The following KCNH7 variants were observed in gnomAD, a reference collection of about 807,000 sequenced individuals.
KCNH7 encodes potassium voltage-gated channel subfamily H member 7.
KCNH7 carries 49 observed loss-of-function variants against 120.8 expected under a neutral mutation model. The ratio of observed to expected loss-of-function variants is 0.41; its 90% CI spans 0.32 to 0.51. The LOEUF (loss-of-function observed/expected upper bound fraction) is 0.51, where lower values mean the gene tolerates loss of function less well. Among genes scored for constraint, KCNH7 ranks in the 20% least tolerant of loss-of-function variants. The pLI is 0.38. For synonymous variants in KCNH7, 547 were observed against 516.1 expected, an observed-to-expected ratio of 1.06 and a Z score of -0.81; for missense variants, 1,097 against 1,446.6, an observed-to-expected ratio of 0.76 and a Z score of 3.92.
At chr2:162,377,661 T>C (rs1686255484) in intron 14 of KCNH7, among the ~76,000 whole-genome samples, 1 of 152,154 alleles carries the variant, frequency 6.6e-6, no homozygotes. Flanking sequence ...GTCTTTGTGA[T>C]AGTTTTTGTT....
chr2:162,705,743 A>T (rs867125011), intron 2 of KCNH7, among the ~76,000 whole-genome samples: 3 of 152,224 alleles, frequency 2.0e-5, no homozygotes, highest in Middle Eastern at 3.4e-3. Context: ...TACCCATCTA[A>T]ATCCTTGCTG....
chr2:162,484,749 A>C (rs982603025), intron 6 of KCNH7, among the ~76,000 whole-genome samples: 2 of 152,236 alleles, frequency 1.3e-5, no homozygotes, highest in East Asian at 3.9e-4. Flanking sequence ...TAATGAGTGA[A>C]TTCTTGCTCT....
chr2:162,821,290 C>T (rs13391982), intron 2 of KCNH7, among the ~76,000 whole-genome samples: 81,977 of 152,044 alleles, frequency 0.54, 22,605 homozygotes, highest in South Asian at 0.72. Flanking sequence ...GTTCACAAAA[C>T]GGTTAAGGTT....
intron 2 of KCNH7, among the ~76,000 whole-genome samples, chr2:162,775,893 C>T (rs995995286): frequency 1.3e-5 from 2 of 152,140 alleles, no homozygotes; most frequent in Non-Finnish European, 1.5e-5. Flanking sequence ...TAGGCACATG[C>T]CTTGGCTCTG....
chr2:162,481,627 AG>A (rs145311723), intron 6 of KCNH7, among the ~76,000 whole-genome samples: 2,193 of 152,242 alleles, frequency 0.014, 61 homozygotes, highest in African/African-American at 0.049. Flanking sequence ...AAGGAGGAGA[AG>A]AATTAACTTT....
chr2:162,673,622 G>C (rs1254006496), intron 2 of KCNH7, among the ~76,000 whole-genome samples: 1 of 151,960 alleles, frequency 6.6e-6, no homozygotes, highest in Non-Finnish European at 1.5e-5. Context: ...TCCCAGTTAG[G>C]GGTTGCTCAT....
intron 9 of KCNH7, among the ~76,000 whole-genome samples, chr2:162,420,070 A>G (rs1054368185): frequency 6.6e-6 from 1 of 152,186 alleles, no homozygotes; most frequent in South Asian, 2.1e-4. Flanking sequence ...CTAATATGAG[A>G]TCATACTCAA....
chr2:162,452,368 A>G (rs748525238), intron 6 of KCNH7, among the ~76,000 whole-genome samples: 2 of 152,138 alleles, frequency 1.3e-5, no homozygotes, highest in Non-Finnish European at 1.5e-5. Context: ...GTTTACAAAC[A>G]TCATAGAGGC....
intron 2 of KCNH7, among the ~76,000 whole-genome samples, chr2:162,707,636 G>T (rs1686761656): frequency 6.6e-6 from 1 of 152,026 alleles, no homozygotes; most frequent in Admixed American, 6.6e-5. Context: ...TAAGGAAGAT[G>T]AAATTCAAAT....
At chr2:162,738,807 T>C (rs1688011093) in intron 2 of KCNH7, among the ~76,000 whole-genome samples, 1 of 152,194 alleles carries the variant, frequency 6.6e-6, no homozygotes, top group Non-Finnish European at 1.5e-5. Context: ...TACATTGTAA[T>C]TGGAATCTCT....
Position 162,423,477 on chromosome 2 carries a change from C to T in KCNH7, c.2013G>A (p.Ser671=). ...TCTGCATGTGGTACCTGGCAGTTCC[C>T]GAGTATAGTCTTTGGATAATTGCAG... is the stretch of plus-strand genomic sequence containing the variant. The part of the protein sequence containing the change: ...NVSAIIQRLY[S]GTARYHMQML... The change falls in exon 9 of 16, where the codon TCG becomes TCA. Residue 671 remains serine (S), a synonymous_variant. Transcript: ENST00000332142. The T allele has an allele frequency of 1.9e-6, 3 of 1,613,980 alleles. No individual in the cohort carries two copies. The highest frequency in any genetic ancestry group is 2.5e-6 in the Non-Finnish European group (3 of 1,179,902).
chr2:162,791,739 G>T (rs922252583), intron 2 of KCNH7, among the ~76,000 whole-genome samples: 4 of 152,060 alleles, frequency 2.6e-5, no homozygotes, highest in African/African-American at 9.7e-5. Context: ...GGGATAGTTT[G>T]AATTCTTCTC....
Position 162,806,849 on chromosome 2 carries a change from T to TA in KCNH7, c.307+29687dup, listed in dbSNP as rs200060358. ...TATTAGGTCAAATGGAATTTTTTTT[T>TA]AAAAAAAGATAATTTGTAACTAGAT... On this transcript the variant is annotated intron_variant, in intron 2 of 15. Transcript: ENST00000332142. 1.3e-3 allele frequency among the ~76,000 whole-genome samples: 198 copies of TA among 151,918 alleles called. 4 individuals are homozygous for TA. In the East Asian group the frequency reaches 0.028, roughly 22 times the overall value.
chr2:162,744,708 G>C (rs1361433462), intron 2 of KCNH7, among the ~76,000 whole-genome samples: 4 of 151,854 alleles, frequency 2.6e-5, no homozygotes, highest in Non-Finnish European at 5.9e-5. Flanking sequence ...GAGTAGCTGG[G>C]ACTACAAGTG....
At chr2:162,722,670 A>G (rs1687358299) in intron 2 of KCNH7, among the ~76,000 whole-genome samples, 1 of 151,864 alleles carries the variant, frequency 6.6e-6, no homozygotes. Context: ...TTCAGTTATT[A>G]TTTTTTTGAA....
chr2:162,459,443 C>T (rs553391129), intron 6 of KCNH7, among the ~76,000 whole-genome samples: 6 of 152,254 alleles, frequency 3.9e-5, no homozygotes, highest in East Asian at 1.9e-4. Context: ...TCTGCCTTGT[C>T]GAGAACTACA....
intron 2 of KCNH7, among the ~76,000 whole-genome samples, chr2:162,724,740 A>C (rs190754425): frequency 2.6e-4 from 40 of 152,212 alleles, no homozygotes; most frequent in African/African-American, 9.4e-4. Flanking sequence ...TCTCTCTCTC[A>C]AAATATCTTG....
intron 6 of KCNH7, among the ~76,000 whole-genome samples, chr2:162,461,081 C>T (rs148021712): frequency 3.6e-4 from 55 of 152,120 alleles, no homozygotes; most frequent in Admixed American, 1.9e-3. Flanking sequence ...TTTCTAGAGC[C>T]TAAATGCAGC....
At chr2:162,699,324 G>T (rs914562264) in intron 2 of KCNH7, among the ~76,000 whole-genome samples, 1 of 151,958 alleles carries the variant, frequency 6.6e-6, no homozygotes, top group Admixed American at 6.6e-5. Context: ...TGTCCTCCAG[G>T]TTCATCTATG....
Sources: gnomAD v4.1 joint callset for allele counts (sites outside exome capture counted in the v4.1 genomes callset) on GRCh38, gnomAD v4.1.1 for gene constraint, MANE v1.5 for transcripts, NCBI Gene and HGNC (gene_info 2026-07-23, HGNC 2026-07-21) for gene names.